ZDHHC14: variants seen among roughly 807,000 people sequenced by gnomAD.
The protein encoded by ZDHHC14 is palmitoyltransferase ZDHHC14.
In ZDHHC14, 16 loss-of-function variants were observed where a neutral mutation model predicts 47.7. The observed-to-expected ratio is 0.34, with a 90% CI of 0.23 to 0.51. The LOEUF (loss-of-function observed/expected upper bound fraction) is 0.51, where lower values mean the gene tolerates loss of function less well. Ranked by LOEUF, ZDHHC14 falls within the 20% of genes least tolerant of loss-of-function variation. The probability of loss-of-function intolerance (pLI) is 0.97; values close to 1 mark genes in which losing one functional copy is unlikely to be tolerated. For missense variants in ZDHHC14, 515 were observed against 662.5 expected (o/e 0.78, Z 2.44); for synonymous variants, 293 against 278.9 (o/e 1.05, Z -0.50).
chr6:157,438,193 T>C (rs972992899), intron 1 of ZDHHC14, among the ~76,000 whole-genome samples: 3 of 152,172 alleles, frequency 2.0e-5, no homozygotes, highest in Admixed American at 2.0e-4. Flanking sequence ...AAAAATATAC[T>C]TCTTGAACAG....
chr6:157,453,450 G>T (rs1194878678), intron 1 of ZDHHC14, among the ~76,000 whole-genome samples: 2 of 152,088 alleles, frequency 1.3e-5, no homozygotes, highest in African/African-American at 4.8e-5. Context: ...AACCATCAAA[G>T]GGCTTTAATT....
chr6:157,518,334 T>G (rs1780775827), intron 1 of ZDHHC14, among the ~76,000 whole-genome samples: 1 of 134,622 alleles, frequency 7.4e-6, no homozygotes, highest in Non-Finnish European at 1.5e-5. Flanking sequence ...AGGCATGGAC[T>G]GAGGTCTCAG....
chr6:157,427,454 G>A lies in ZDHHC14; in HGVS notation c.245+45188G>A, dbSNP rs1470162506. On this transcript the variant is annotated intron_variant, in intron 1 of 8. Coordinates refer to ENST00000359775, the MANE Select transcript of ZDHHC14 (RefSeq NM_024630.3). This position sits in a 1 kb window ranked among gnomAD's most constrained non-coding sequence, Gnocchi z 4.4. Reference sequence around the variant, plus strand: ...GCTTCCCACTCTGCTTTCTCCAGCAGGGCCTACCAGCATGGGTTGGCGTGG... The same window carrying A: ...GCTTCCCACTCTGCTTTCTCCAGCAAGGCCTACCAGCATGGGTTGGCGTGG... 6.6e-6 allele frequency among the ~76,000 whole-genome samples: 1 copy of A among 152,150 alleles called. No homozygotes were observed. The highest frequency in any genetic ancestry group is 2.4e-5 in the African/African-American group (1 of 41,418).
chr6:157,510,815 C>G (rs1780448108), intron 1 of ZDHHC14, among the ~76,000 whole-genome samples: 2 of 152,244 alleles, frequency 1.3e-5, no homozygotes, highest in East Asian at 1.9e-4. Context: ...GGCAGGCGCC[C>G]AGGGATGGCC....
intron 3 of ZDHHC14, among the ~76,000 whole-genome samples, chr6:157,608,434 A>G (rs1784627002): frequency 6.6e-6 from 1 of 152,098 alleles, no homozygotes; most frequent in Non-Finnish European, 1.5e-5. Context: ...TCCAGCTCAC[A>G]TGGGAGCATA....
chr6:157,594,901 C>T (rs949039514), intron 3 of ZDHHC14, among the ~76,000 whole-genome samples: 3 of 152,144 alleles, frequency 2.0e-5, no homozygotes, highest in African/African-American at 7.2e-5. Flanking sequence ...AACACCCTTT[C>T]TTGGGTTGTA....
At chr6:157,574,424 A>G (rs1179478720) in intron 2 of ZDHHC14, among the ~76,000 whole-genome samples, 5 of 152,124 alleles carry the variant, frequency 3.3e-5, no homozygotes, top group Non-Finnish European at 7.4e-5. Flanking sequence ...CTCCGTCTCA[A>G]ATAAACATTG....
At chr6:157,459,812 C>T (rs967003916) in intron 1 of ZDHHC14, among the ~76,000 whole-genome samples, 1 of 152,138 alleles carries the variant, frequency 6.6e-6, no homozygotes, top group Non-Finnish European at 1.5e-5. Context: ...TGGTGGCTCA[C>T]ACCTGTAATC....
Position 157,529,764 on chromosome 6 carries a change from A to T in ZDHHC14, c.246-12821A>T, listed in dbSNP as rs550023593. On this transcript the variant is annotated intron_variant, in intron 1 of 8. Transcript: ENST00000359775. The stretch of plus-strand genomic sequence containing the variant: ...CAGCTGTTATTGTATTCCACTAAGA[A>T]AATGTGTAGAGTGCAAAACAGAAGT... Among the ~76,000 whole-genome samples, 147 of 152,374 alleles carry T rather than the reference A, an allele frequency of 9.6e-4. 1 individual carries two copies. Among genetic ancestry groups the T allele is most frequent in the African/African-American group, 3.4e-3 (141 of 41,588 alleles).
At chr6:157,597,646 G>A (rs1375955979) in intron 3 of ZDHHC14, among the ~76,000 whole-genome samples, 1 of 152,234 alleles carries the variant, frequency 6.6e-6, no homozygotes, top group Non-Finnish European at 1.5e-5. Flanking sequence ...GGCAGCTGCA[G>A]CCTGGGTCCC....
At chr6:157,523,567 C>T (rs886942215) in intron 1 of ZDHHC14, among the ~76,000 whole-genome samples, 2 of 151,900 alleles carry the variant, frequency 1.3e-5, no homozygotes, top group Non-Finnish European at 2.9e-5. Flanking sequence ...TTGGCATAGC[C>T]TGATTGGGGA....
chr6:157,650,514 C>T (rs1207866682), intron 7 of ZDHHC14, among the ~76,000 whole-genome samples: 1 of 152,026 alleles, frequency 6.6e-6, no homozygotes, highest in Non-Finnish European at 1.5e-5. Context: ...AGGCTGGACG[C>T]GATGGGATGC....
chr6:157,609,363 G>A (rs1389166965), intron 3 of ZDHHC14, among the ~76,000 whole-genome samples: 1 of 152,220 alleles, frequency 6.6e-6, no homozygotes, highest in East Asian at 1.9e-4. Flanking sequence ...GCACTGGGCA[G>A]AGAAGTCCAC....
intron 1 of ZDHHC14, among the ~76,000 whole-genome samples, chr6:157,410,197 G>A (rs1022638435): frequency 6.6e-6 from 1 of 152,164 alleles, no homozygotes; most frequent in African/African-American, 2.4e-5. Context: ...CTGTGGCCAG[G>A]AGCCTGCCTG....
intron 1 of ZDHHC14, among the ~76,000 whole-genome samples, chr6:157,538,935 C>T (rs1385831859): frequency 6.6e-6 from 1 of 151,946 alleles, no homozygotes. Context: ...CAGGAGGGGG[C>T]AGTGAGAGAG....
chr6:157,565,669 A>T (rs933542156), intron 2 of ZDHHC14, among the ~76,000 whole-genome samples: 1 of 152,034 alleles, frequency 6.6e-6, no homozygotes, highest in African/African-American at 2.4e-5. Context: ...AAATACAAAA[A>T]TTAGCTGGGT....
At chr6:157,541,526 C>T (rs947617095) in intron 1 of ZDHHC14, among the ~76,000 whole-genome samples, 1 of 152,188 alleles carries the variant, frequency 6.6e-6, no homozygotes, top group African/African-American at 2.4e-5. Flanking sequence ...GTCTTGAGAA[C>T]ATAGAAGAGA....
At chr6:157,623,066 G>C (rs1785256821) in intron 3 of ZDHHC14, among the ~76,000 whole-genome samples, 1 of 152,092 alleles carries the variant, frequency 6.6e-6, no homozygotes, top group Admixed American at 6.5e-5. Flanking sequence ...ACTCAATCTT[G>C]TTATTTTCTA....
Position 157,381,321 on chromosome 6 carries a change from C to T in ZDHHC14, c.-701C>T, listed in dbSNP as rs573431255. ...GAGCCGCCGCCGCCCTCGGCCCGCG[C>T]ATCCCCGCGCGGGGGCCGCGGATTC... On this transcript the variant is annotated 5_prime_UTR_variant, in exon 1 of 9. Transcript: ENST00000359775. The T allele has an allele frequency of 1.2e-3, 189 of 151,752 alleles. 1 individual carries two copies. Among genetic ancestry groups the T allele is most frequent in the South Asian group, 8.6e-3 (42 of 4,866 alleles). The allele number at this position is 151,752 out of a possible 1,614,324, so 9.4% of individuals were successfully genotyped here. A position where few individuals can be genotyped will look rare whatever the true frequency, so the allele number is the denominator to read the frequency against.
Sources: allele counts gnomAD v4.1 joint callset (sites outside exome capture counted in the v4.1 genomes callset), GRCh38; gene constraint gnomAD v4.1.1; non-coding constraint Gnocchi (gnomAD v3.1); transcripts MANE v1.5; gene names NCBI Gene and HGNC (gene_info 2026-07-23, HGNC 2026-07-21).